Variants in GRHL2 observed in about 807,000 individuals in gnomAD.
GRHL2 encodes grainyhead like transcription factor 2.
A neutral mutation model predicts 83.8 loss-of-function variants in GRHL2; 21 were observed. The ratio of observed to expected loss-of-function variants is 0.25; its 90% CI spans 0.18 to 0.36. The LOEUF is 0.36. GRHL2 is among the 10% of genes least tolerant of loss of function. The pLI is 1.00. For synonymous variants in GRHL2, 280 were observed against 278.9 expected (o/e 1.00, Z -0.04); for missense variants, 623 against 781.8 (o/e 0.80, Z 2.42).
rs1274996909 is a variant in GRHL2, at chr8:101,599,106, A to G, written c.1053A>G (p.Ala351=). 1 of 1,613,642 alleles carries G rather than the reference A, an allele frequency of 6.2e-7. No individual in the cohort carries two copies. The highest frequency in any genetic ancestry group is 1.3e-5 in the African/African-American group (1 of 74,926). ...FNTIGNIEEI[A]YNAVSFTWDV... is the part of the protein sequence containing the mutation. ...CGATTGGAAACATTGAAGAGATTGC[A>G]TATAATGCTGTTTCCTTTACCTGGG... Residue 351 remains alanine (A), a synonymous_variant, in exon 8 of 16, where the codon GCA becomes GCG. Transcript: ENST00000646743.
intron 8 of GRHL2, among the ~76,000 whole-genome samples, chr8:101,607,418 C>T (rs1264113030): frequency 1.3e-5 from 2 of 152,190 alleles, no homozygotes; most frequent in African/African-American, 4.8e-5. Context: ...TATTCCACAG[C>T]CTGCACCCCT....
At chr8:101,524,983 C>G (rs1203816561) in intron 1 of GRHL2, among the ~76,000 whole-genome samples, 1 of 151,518 alleles carries the variant, frequency 6.6e-6, no homozygotes, top group African/African-American at 2.4e-5. Context: ...GCTCTTGTTG[C>G]CCAGGCTGGA....
At chr8:101,552,345 T>C (rs926440144) in intron 2 of GRHL2, among the ~76,000 whole-genome samples, 4 of 152,240 alleles carry the variant, frequency 2.6e-5, no homozygotes, top group Non-Finnish European at 5.9e-5. Context: ...AACTCTATTA[T>C]GTTTTTGTCT....
chr8:101,509,202 TTTCTTCTTGTGTG>T (rs1810411666), intron 1 of GRHL2, among the ~76,000 whole-genome samples: 1 of 37,676 alleles, frequency 2.7e-5, no homozygotes, highest in African/African-American at 6.5e-5. Context: ...TCTTTCTTTC[TTTCTTCTTGTGTG>T]TGTGTGTGTG....
chr8:101,565,291 AT>A (rs968139739), intron 4 of GRHL2, among the ~76,000 whole-genome samples: 1 of 152,014 alleles, frequency 6.6e-6, no homozygotes, highest in Non-Finnish European at 1.5e-5. Flanking sequence ...AGATGGAAGG[AT>A]TTTTATCAAA....
chr8:101,542,008 A>G (rs1563571660), intron 1 of GRHL2, among the ~76,000 whole-genome samples: 2 of 152,236 alleles, frequency 1.3e-5, no homozygotes, highest in African/African-American at 2.4e-5. Context: ...TCTACAATAG[A>G]GTCCGTCTCA....
chr8:101,517,461 A>C (rs1810595158), intron 1 of GRHL2, among the ~76,000 whole-genome samples: 2 of 152,182 alleles, frequency 1.3e-5, no homozygotes, highest in Admixed American at 1.3e-4. Context: ...AACATTAAGC[A>C]AGCCACTAAT....
At chr8:101,651,946 C>T (rs16868134) in intron 14 of GRHL2, among the ~76,000 whole-genome samples, 17,156 of 152,204 alleles carry the variant, frequency 0.11, 988 homozygotes, top group Middle Eastern at 0.14. Context: ...CCAGGATCCT[C>T]GGGTGATGCA....
intron 11 of GRHL2, among the ~76,000 whole-genome samples, chr8:101,635,850 T>C (rs527314239): frequency 5.3e-5 from 8 of 152,318 alleles, no homozygotes; most frequent in Admixed American, 4.6e-4. Context: ...GAGTTCCAGG[T>C]AACCAGTCTT....
chr8:101,520,828 A>G (rs1810667435), intron 1 of GRHL2, among the ~76,000 whole-genome samples: 1 of 152,114 alleles, frequency 6.6e-6, no homozygotes, highest in Non-Finnish European at 1.5e-5. Flanking sequence ...TTCGATTGGG[A>G]GAAGTTCCAA....
chr8:101,612,513 A>ATAGG (rs1812771773), intron 8 of GRHL2, among the ~76,000 whole-genome samples: 1 of 128,060 alleles, frequency 7.8e-6, no homozygotes, highest in Non-Finnish European at 1.6e-5. Context: ...AGATAGATAG[A>ATAGG]TAGATAGATA....
intron 1 of GRHL2, among the ~76,000 whole-genome samples, chr8:101,518,946 C>A (rs1810626127): frequency 6.6e-6 from 1 of 152,192 alleles, no homozygotes. Context: ...TGAAAATCTT[C>A]CATTTCCCCC....
chr8:101,642,523 G>A (rs1432472311), intron 12 of GRHL2, among the ~76,000 whole-genome samples: 2 of 152,228 alleles, frequency 1.3e-5, no homozygotes, highest in Middle Eastern at 3.4e-3. Flanking sequence ...TAGCCCTGAG[G>A]CCATGGTCAC....
chr8:101,526,031 T>G (rs1810797388), intron 1 of GRHL2, among the ~76,000 whole-genome samples: 1 of 152,236 alleles, frequency 6.6e-6, no homozygotes, highest in South Asian at 2.1e-4. Flanking sequence ...TAGTGTTATT[T>G]CACATTTTTG....
chr8:101,537,143 A>G (rs1001961486), intron 1 of GRHL2, among the ~76,000 whole-genome samples: 17 of 152,190 alleles, frequency 1.1e-4, no homozygotes, highest in Non-Finnish European at 2.9e-5. Context: ...TCCATGATGT[A>G]TATGTACCAC....
At position 101,509,307 on chromosome 8, in the gene GRHL2, A is replaced by T. The variant is rs192379173; in HGVS notation, c.20+16518A>T. Among the ~76,000 whole-genome samples the T allele has an allele frequency of 3.4e-5, 5 of 148,422 alleles. No homozygotes were observed. The East Asian group carries it at 9.9e-4, about 29-fold the overall frequency. ...TTTATCTAAATAGTAGGGCTATTTA[A>T]AATGAAGTCACTTTTCAAAGATAAG... On this transcript the variant is annotated intron_variant, in intron 1 of 15. Transcript: ENST00000646743.
intron 7 of GRHL2, among the ~76,000 whole-genome samples, chr8:101,578,450 G>A (rs1040674398): frequency 6.6e-6 from 1 of 152,208 alleles, no homozygotes; most frequent in African/African-American, 2.4e-5. Flanking sequence ...GAGTCAGAGG[G>A]CACATTACCG....
chr8:101,572,929 C>A lies in GRHL2; in HGVS notation c.735-739C>A, dbSNP rs181599940. Among the ~76,000 whole-genome samples the A allele has an allele frequency of 1.6e-4, 24 of 152,298 alleles. No individual in the cohort carries two copies. In the East Asian group the frequency reaches 4.0e-3, roughly 26 times the overall value. ...TATCGTCTCTACCACAACGACTCAA[C>A]CTTGCTGCTGTAGTACGAAAGCAGT... is the stretch of plus-strand genomic sequence containing the variant. On this transcript the variant is annotated intron_variant, in intron 5 of 15. Transcript: ENST00000646743.
At chr8:101,524,432 T>A (rs542686285) in intron 1 of GRHL2, among the ~76,000 whole-genome samples, 5 of 152,310 alleles carry the variant, frequency 3.3e-5, no homozygotes, top group African/African-American at 9.6e-5. Context: ...CTTAGCTCTT[T>A]AACTTTTTAG....
Sources: gnomAD v4.1 joint callset for allele counts (sites outside exome capture counted in the v4.1 genomes callset) on GRCh38, gnomAD v4.1.1 for gene constraint, MANE v1.5 for transcripts, NCBI Gene and HGNC (gene_info 2026-07-23, HGNC 2026-07-21) for gene names.